Variants in SEMA6D observed in about 807,000 individuals in gnomAD.
SEMA6D encodes the protein semaphorin 6D.
Under a neutral mutation model 106.6 loss-of-function variants are expected in SEMA6D, and 35 were observed. That is an observed-to-expected ratio of 0.33 (90% CI 0.25 to 0.44). The LOEUF (loss-of-function observed/expected upper bound fraction) is 0.44. Among genes scored for constraint, SEMA6D ranks in the 20% least tolerant of loss-of-function variants. SEMA6D has a pLI of 1.00. For synonymous variants in SEMA6D, 499 were observed against 487.7 expected (o/e 1.02, Z -0.31); for missense variants, 1,185 against 1,345.9 (o/e 0.88, Z 1.87).
rs2082260894 is a variant in SEMA6D, at chr15:47,764,986, G to T, written c.1357G>T (p.Ala453Ser). ...SEAGMVLKVL[A>S]KTSPFSLNDS... ...AGCTGGCATGGTACTTAAAGTTCTG[G>T]CAAAGACCAGTCCTTTCTCTTTGAA... Residue 453 changes from alanine (A) to serine (S), a missense_variant, in exon 13 of 19, where the codon GCA becomes TCA. Physicochemically the swap from Ala to Ser is moderately conservative, Grantham distance 99. Coordinates refer to ENST00000536845, the MANE Select transcript of SEMA6D (RefSeq NM_001358351.3). The T allele has an allele frequency of 6.2e-7, 1 of 1,613,772 alleles. No individual in the cohort carries two copies. Among genetic ancestry groups the T allele is most frequent in the East Asian group, 2.2e-5 (1 of 44,844 alleles).
chr15:47,504,320 C>T lies in SEMA6D; in HGVS notation c.-87+33775C>T, dbSNP rs186918433. ...GCTGGCTGCCTCTGTCCTCACCACCCCCACCTTGAGTGAGCAGCCCTGAGT... is the reference window on the plus strand; with the variant it reads ...GCTGGCTGCCTCTGTCCTCACCACCTCCACCTTGAGTGAGCAGCCCTGAGT... On this transcript the variant is annotated intron_variant, in intron 3 of 19. Coordinates refer to the SEMA6D transcript ENST00000558014. Among the ~76,000 whole-genome samples, 4 of 152,254 alleles carry T rather than the reference C, an allele frequency of 2.6e-5. No individual in the cohort carries two copies. In the South Asian group the frequency reaches 6.2e-4, roughly 24 times the overall value.
chr15:47,209,953 TG>T (rs1895367599), intron 1 of SEMA6D, among the ~76,000 whole-genome samples: 1 of 152,372 alleles, frequency 6.6e-6, no homozygotes, highest in African/African-American at 2.4e-5. Context: ...GTTAGGTTTT[TG>T]TCCTAAATAA....
intron 4 of SEMA6D, among the ~76,000 whole-genome samples, chr15:47,624,473 C>T (rs2077166913): frequency 6.6e-6 from 1 of 152,090 alleles, no homozygotes; most frequent in African/African-American, 2.4e-5. Context: ...CCAATTTGTA[C>T]ATAATGTGAA....
chr15:47,469,618 T>C (rs35101796), intron 2 of SEMA6D, among the ~76,000 whole-genome samples: 4 of 151,824 alleles, frequency 2.6e-5, no homozygotes, highest in African/African-American at 7.3e-5. Context: ...TCATCTATTG[T>C]AAAAGTATTT....
In SEMA6D at chr15:47,743,504, G is replaced by C. The variant is rs77445607; in HGVS notation, c.-54-16241G>C. ...TTTGCAGACGTAAAAGGCAGTTCCT[G>C]AACTCAAAGAAACCTACAGTGCGGG... is the stretch of plus-strand genomic sequence containing the variant. On this transcript the variant is annotated intron_variant, in intron 1 of 18. Coordinates refer to ENST00000536845, the MANE Select transcript of SEMA6D (RefSeq NM_001358351.3). Among the ~76,000 whole-genome samples, 120 of 152,206 alleles carry C rather than the reference G, an allele frequency of 7.9e-4. 1 individual carries two copies. In the East Asian group the frequency reaches 0.018, roughly 23 times the overall value.
chr15:47,613,779 C>G lies in SEMA6D; in HGVS notation c.-55+12883C>G, dbSNP rs1047867349. Among the ~76,000 whole-genome samples the G allele has an allele frequency of 2.0e-5, 3 of 152,048 alleles. No homozygotes were observed. In the East Asian group the frequency reaches 5.8e-4, roughly 29 times the overall value. On this transcript the variant is annotated intron_variant, in intron 4 of 19. Coordinates refer to the SEMA6D transcript ENST00000558014. ...CGCCATTCTCCTGCCTCAGCCTCTC[C>G]AAGTAGCTGGGATTACAGGCGCCCG...
chr15:47,562,584 A>C (rs2046112604), intron 3 of SEMA6D, among the ~76,000 whole-genome samples: 1 of 152,224 alleles, frequency 6.6e-6, no homozygotes, highest in African/African-American at 2.4e-5. Flanking sequence ...CTATATGGCC[A>C]TAAGCACATG....
intron 4 of SEMA6D, among the ~76,000 whole-genome samples, chr15:47,622,494 G>A (rs1912631): frequency 0.42 from 63,744 of 151,864 alleles, 13,470 homozygotes; most frequent in East Asian, 0.5. Context: ...TGTCTTTAGC[G>A]TCCTTGACCT....
At chr15:47,530,574 A>G (rs1454639437) in intron 3 of SEMA6D, among the ~76,000 whole-genome samples, 1 of 152,214 alleles carries the variant, frequency 6.6e-6, no homozygotes, top group Non-Finnish European at 1.5e-5. Flanking sequence ...TAAGATCACA[A>G]GATTTTTAAA....
At chr15:47,326,815 C>T (rs1043437228) in intron 1 of SEMA6D, among the ~76,000 whole-genome samples, 1 of 152,098 alleles carries the variant, frequency 6.6e-6, no homozygotes, top group South Asian at 2.1e-4. Context: ...TGTTTGCTCC[C>T]CTCCCCACCA....
chr15:47,502,890 T>C (rs995845683), intron 3 of SEMA6D, among the ~76,000 whole-genome samples: 1 of 152,198 alleles, frequency 6.6e-6, no homozygotes, highest in African/African-American at 2.4e-5. Flanking sequence ...CAAATAAGAA[T>C]GAAAAACAGG....
At chr15:47,602,711 CATT>C (rs2076689063) in intron 4 of SEMA6D, among the ~76,000 whole-genome samples, 1 of 152,144 alleles carries the variant, frequency 6.6e-6, no homozygotes, top group African/African-American at 2.4e-5. Context: ...GCCTGGATCT[CATT>C]ATTGCTTCAG....
At chr15:47,192,195 T>C (rs1016973138) in intron 1 of SEMA6D, among the ~76,000 whole-genome samples, 1 of 152,188 alleles carries the variant, frequency 6.6e-6, no homozygotes, top group Non-Finnish European at 1.5e-5. Context: ...CACTCTCAGA[T>C]GAAGGCCATG....
At chr15:47,660,276 G>A (rs1262776916) in intron 4 of SEMA6D, among the ~76,000 whole-genome samples, 2 of 152,044 alleles carry the variant, frequency 1.3e-5, no homozygotes, top group East Asian at 3.8e-4. Context: ...GATATTTCTT[G>A]AAAAGTTATA....
intron 2 of SEMA6D, among the ~76,000 whole-genome samples, chr15:47,463,738 A>G (rs557128575): frequency 1.4e-4 from 22 of 152,278 alleles, no homozygotes; most frequent in Admixed American, 5.9e-4. Context: ...GGTGGTTTAA[A>G]ACATAACTTT....
chr15:47,692,663 G>A (rs528262770), intron 4 of SEMA6D, among the ~76,000 whole-genome samples: 2 of 152,296 alleles, frequency 1.3e-5, no homozygotes, highest in South Asian at 4.1e-4. Flanking sequence ...TGGCTAAACT[G>A]GCTGAAGTTT....
intron 1 of SEMA6D, among the ~76,000 whole-genome samples, chr15:47,357,787 C>T (rs1293168313): frequency 6.6e-6 from 1 of 152,162 alleles, no homozygotes; most frequent in Non-Finnish European, 1.5e-5. Context: ...TTGCATCCTT[C>T]AATCCAACCA....
intron 2 of SEMA6D, among the ~76,000 whole-genome samples, chr15:47,464,514 G>A (rs1341383756): frequency 6.6e-6 from 1 of 152,038 alleles, no homozygotes; most frequent in Non-Finnish European, 1.5e-5. Context: ...TCCCAGATCA[G>A]CCAACAGTGT....
intron 4 of SEMA6D, among the ~76,000 whole-genome samples, chr15:47,692,351 C>G (rs1056111670): frequency 1.3e-5 from 2 of 152,066 alleles, no homozygotes; most frequent in Non-Finnish European, 2.9e-5. Flanking sequence ...GTGAACATAT[C>G]AGAATATTAA....
Sources: gnomAD v4.1 joint callset for allele counts (sites outside exome capture counted in the v4.1 genomes callset) on GRCh38, gnomAD v4.1.1 for gene constraint, MANE v1.5 for transcripts, NCBI Gene and HGNC (gene_info 2026-07-23, HGNC 2026-07-21) for gene names.